The following FAM83A variants were observed in gnomAD, a reference collection of about 807,000 sequenced individuals.
FAM83A encodes scaffolding CK1 anchoring protein A.
In FAM83A, 21 loss-of-function variants were observed where a neutral mutation model predicts 24.4. The observed-to-expected ratio is 0.86, with a 90% CI of 0.61 to 1.24. FAM83A has a LOEUF of 1.24. Ranked by LOEUF, FAM83A falls within the 50% of genes most tolerant of loss-of-function variation. FAM83A has a pLI of 0.00. For missense variants in FAM83A, 617 were observed against 579.8 expected, an observed-to-expected ratio of 1.06 and a Z score of -0.66; for synonymous variants, 270 against 252.4, an observed-to-expected ratio of 1.07 and a Z score of -0.66.
intron 3 of FAM83A, among the ~76,000 whole-genome samples, chr8:123,203,957 CAA>C (rs1340124620): frequency 0.031 from 1,554 of 50,546 alleles, 22 homozygotes; most frequent in African/African-American, 0.074. Flanking sequence ...AACTCCAACT[CAA>C]AAAAAAAAAA....
chr8:123,187,084 G>A (rs1381175601), intron 1 of FAM83A, among the ~76,000 whole-genome samples: 3 of 152,184 alleles, frequency 2.0e-5, no homozygotes, highest in Non-Finnish European at 4.4e-5. Flanking sequence ...CTGAGTAAGC[G>A]TTTGCTGGGC....
chr8:123,196,549 T>C (rs1427553093), intron 3 of FAM83A, among the ~76,000 whole-genome samples: 1 of 152,194 alleles, frequency 6.6e-6, no homozygotes, highest in Non-Finnish European at 1.5e-5. Flanking sequence ...ATATTTTTAC[T>C]CTTTTCTTTT....
chr8:123,181,342 AAAG>A (rs1158888906), upstream of FAM83A, among the ~76,000 whole-genome samples: 1 of 152,162 alleles, frequency 6.6e-6, no homozygotes, highest in East Asian at 1.9e-4. Context: ...GTTTTTCTCC[AAAG>A]AATGGCTCTG....
chr8:123,187,979 GC>G (rs1399270225), intron 1 of FAM83A, among the ~76,000 whole-genome samples: 1 of 152,012 alleles, frequency 6.6e-6, no homozygotes, highest in African/African-American at 2.4e-5. Context: ...TTGTGCCTCA[GC>G]CTCCCAAGTA....
chr8:123,200,962 A>ATATATATATATATATATATAT (rs1376845493), intron 3 of FAM83A, among the ~76,000 whole-genome samples: 10 of 141,212 alleles, frequency 7.1e-5, no homozygotes, highest in Admixed American at 2.1e-4. Context: ...ATAAACAAAA[A>ATATATATATATATATATATAT]AAAAAAATAT....
chr8:123,194,486 C>T (rs1484038344), intron 3 of FAM83A, among the ~76,000 whole-genome samples: 8 of 140,464 alleles, frequency 5.7e-5, no homozygotes, highest in Admixed American at 7.2e-5. Context: ...CATCCCATTG[C>T]TTTTTTTTTT....
rs1824607312 is a variant in FAM83A, at chr8:123,207,620, C to T, written c.1237C>T (p.Gln413Ter). The T allele has an allele frequency of 6.4e-7, 1 of 1,555,064 alleles. No homozygotes were observed. ...CAGGCCCACGCGGCTGCAGCTGGAG[C>T]AGCTGGGCCTGGTGCCGAGGCTGAC... Residue 413 changes from glutamine to a stop codon, truncating the protein, a stop_gained, in exon 4 of 4, where the codon CAG (glutamine) becomes TAG (stop). Coordinates refer to ENST00000690554, the Ensembl canonical transcript of FAM83A. LOFTEE classifies it high-confidence loss of function.
At chr8:123,187,409 A>T (rs940055342) in intron 1 of FAM83A, among the ~76,000 whole-genome samples, 1 of 152,196 alleles carries the variant, frequency 6.6e-6, no homozygotes, top group Non-Finnish European at 1.5e-5. Flanking sequence ...TTCGCAGCAG[A>T]TTCACGCAGA....
chr8:123,197,416 A>G (rs1241909715), intron 3 of FAM83A, among the ~76,000 whole-genome samples: 2 of 152,154 alleles, frequency 1.3e-5, no homozygotes, highest in African/African-American at 4.8e-5. Flanking sequence ...TTATCATTCA[A>G]TATGTGGCAT....
In FAM83A at chr8:123,191,974, G is replaced by A; in HGVS notation, c.648+4G>A. On this transcript the variant is annotated splice_donor_region_variant and intron_variant, in intron 2 of 3. Transcript: ENST00000690554. ...GATCTCTGACAGTCACCTCAAGGTA[G>A]GGGCCCCAATGAGAGTCCTAAGGGT... 1.9e-6 allele frequency: 3 copies of A among 1,613,982 alleles called. No individual in the cohort carries two copies. The highest frequency in any genetic ancestry group is 1.7e-6 in the Non-Finnish European group (2 of 1,179,910).
upstream of FAM83A, chr8:123,180,067 T>C (rs1670173): frequency 0.77 from 116,627 of 152,078 alleles, 44,805 homozygotes; most frequent in East Asian, 0.81. Context: ...GCAAGTAACT[T>C]GACCTTTCTG....
chr8:123,180,252 A>T (rs1823561804), upstream of FAM83A: 1 of 152,156 alleles, frequency 6.6e-6, no homozygotes, highest in Admixed American at 6.5e-5. Flanking sequence ...CTTGGTACTT[A>T]GTTTAACAGG....
rs557552478 is a variant in FAM83A, at chr8:123,205,379, G to A, written c.774-1778G>A. On this transcript the variant is annotated intron_variant, in intron 3 of 3. Coordinates refer to ENST00000690554, the Ensembl canonical transcript of FAM83A. Reference sequence around the variant, plus strand: ...GTGCAGTGCGGCCCTTTGTCCCTGCGCTTGCCTCCTGTCCCGTGGCGGGGC... The same window carrying A: ...GTGCAGTGCGGCCCTTTGTCCCTGCACTTGCCTCCTGTCCCGTGGCGGGGC... Among the ~76,000 whole-genome samples the A allele has an allele frequency of 1.1e-4, 17 of 152,368 alleles. No homozygotes were observed. The East Asian group carries it at 2.7e-3, about 24-fold the overall frequency.
At chr8:123,205,111 CA>C (rs987611433) in intron 3 of FAM83A, among the ~76,000 whole-genome samples, 1 of 150,200 alleles carries the variant, frequency 6.7e-6, no homozygotes, top group African/African-American at 2.5e-5. Flanking sequence ...GGCTGCGTCT[CA>C]AAAAAAAATT....
upstream of FAM83A, chr8:123,179,701 C>G (rs549239921): frequency 6.6e-6 from 1 of 152,278 alleles, no homozygotes; most frequent in Admixed American, 6.5e-5. Flanking sequence ...GAGCTGGGAA[C>G]AGAAGCAGGG....
intron 1 of FAM83A, among the ~76,000 whole-genome samples, chr8:123,190,747 G>C (rs1011295817): frequency 3.3e-5 from 5 of 152,130 alleles, no homozygotes; most frequent in Admixed American, 2.0e-4. Flanking sequence ...GGCATGGCTG[G>C]AACCAGGTGT....
Position 123,190,465 on chromosome 8 carries a change from A to T in FAM83A, c.481-1338A>T, listed in dbSNP as rs150172330. On this transcript the variant is annotated intron_variant, in intron 1 of 3. Coordinates refer to ENST00000690554, the Ensembl canonical transcript of FAM83A. ...TTTTTAGTAGAGACGAGCTTTCACCATGTTGATCAGGCTGGTCTCGAGCTC... is the reference window on the plus strand; with the variant it reads ...TTTTTAGTAGAGACGAGCTTTCACCTTGTTGATCAGGCTGGTCTCGAGCTC... Among the ~76,000 whole-genome samples the T allele has an allele frequency of 2.3e-3, 339 of 150,084 alleles. 2 individuals are homozygous for T. The highest frequency in any genetic ancestry group is 7.9e-3 in the African/African-American group (324 of 40,804).
exon 1 of FAM83A, chr8:123,182,894 G>T (rs779242915): frequency 2.6e-6 from 4 of 1,532,144 alleles, no homozygotes; most frequent in Non-Finnish European, 2.6e-6. Context: ...ATCCGGAAGC[G>T]TCTGGAAGAT....
rs1323436334 is a variant in FAM83A at position 123,207,469 on chromosome 8, C to A, written c.1086C>A (p.His362Gln). 5 of 1,586,492 alleles carry A rather than the reference C, an allele frequency of 3.2e-6. No individual in the cohort carries two copies. In the African/African-American group the frequency reaches 4.0e-5, roughly 13 times the overall value. Reference sequence around the variant, plus strand: ...GGCCCTGTAGCCCCGCGGCCCCACACCCGCCTCCACCGCCCCGGTTCCAGC... The same window carrying A: ...GGCCCTGTAGCCCCGCGGCCCCACAACCGCCTCCACCGCCCCGGTTCCAGC... Residue 362 changes from histidine (H) to glutamine (Q), a missense_variant, in exon 4 of 4, where the codon CAC (histidine) becomes CAA (glutamine). By Grantham distance (24) the His-to-Gln change is conservative. Coordinates refer to ENST00000690554, the Ensembl canonical transcript of FAM83A.
Sources: allele counts gnomAD v4.1 joint callset (sites outside exome capture counted in the v4.1 genomes callset), GRCh38; gene constraint gnomAD v4.1.1; transcripts MANE v1.5; gene names NCBI Gene and HGNC (gene_info 2026-07-23, HGNC 2026-07-21).